UNC80: variants seen among roughly 807,000 people sequenced by gnomAD.
The protein encoded by UNC80 is unc-80 subunit of NALCN channel complex, also known as protein unc-80 homolog.
UNC80 carries 164 observed loss-of-function variants against 384.6 expected under a neutral mutation model. That is an observed-to-expected ratio of 0.43 (90% CI 0.38 to 0.49). UNC80 has a LOEUF of 0.49. Ranked by LOEUF, UNC80 falls within the 20% of genes least tolerant of loss-of-function variation. UNC80 has a pLI of 0.00. For synonymous variants in UNC80, 1,486 were observed against 1,527.8 expected, an observed-to-expected ratio of 0.97 and a Z score of 0.64; for missense variants, 3,330 against 4,143.0, an observed-to-expected ratio of 0.80 and a Z score of 5.39.
At position 209,933,364 on chromosome 2, in the gene UNC80, C is replaced by T. The variant is rs77553903; in HGVS notation, c.5995-458C>T. ...CATTTACCTATGTAACAAACCTACA[C>T]GTGTACCCCTGAATTTAGAAACAAA... On this transcript the variant is annotated intron_variant, in intron 38 of 64. Coordinates refer to ENST00000673920, the MANE Select transcript of UNC80 (RefSeq NM_001371986.1). Among the ~76,000 whole-genome samples, 861 of 152,098 alleles carry T rather than the reference C, an allele frequency of 5.7e-3. 11 individuals are homozygous for T. Among genetic ancestry groups the T allele is most frequent in the African/African-American group, 0.018 (754 of 41,482 alleles).
In UNC80 at chr2:209,817,032, C is replaced by G. The variant is rs775872790; in HGVS notation, c.1459C>G (p.Pro487Ala). 1.3e-6 allele frequency: 2 copies of G among 1,551,590 alleles called. No individual in the cohort carries two copies. Among genetic ancestry groups the G allele is most frequent in the Non-Finnish European group, 1.7e-6 (2 of 1,147,012 alleles). ...LLHEDHLDVS[P>A]TRSTFSFGSF... Reference sequence around the variant, plus strand: ...TCACGAGGACCACCTGGATGTGTCCCCCACGCGCAGCACATTCTCCTTTGG... The same window carrying G: ...TCACGAGGACCACCTGGATGTGTCCGCCACGCGCAGCACATTCTCCTTTGG... The change falls in exon 10 of 65, where the codon CCC becomes GCC. Residue 487 changes from proline to alanine, a missense_variant. Coordinates refer to ENST00000673920, the MANE Select transcript of UNC80 (RefSeq NM_001371986.1).
At chr2:209,990,393 C>A (rs2093370356) in intron 61 of UNC80, among the ~76,000 whole-genome samples, 1 of 152,162 alleles carries the variant, frequency 6.6e-6, no homozygotes. Flanking sequence ...ATGTACCTCA[C>A]TTTTCATGTT....
chr2:209,917,085 T>C (rs2089607235), intron 31 of UNC80, among the ~76,000 whole-genome samples: 1 of 152,196 alleles, frequency 6.6e-6, no homozygotes, highest in Non-Finnish European at 1.5e-5. Context: ...AAGCACATTG[T>C]TAGGATCTGT....
chr2:209,905,041 A>G, intron 29 of UNC80, 76 bp downstream of exon 29: 3 of 1,471,132 alleles, frequency 2.0e-6, no homozygotes, highest in Middle Eastern at 1.8e-4. Flanking sequence ...TGGAAATAAG[A>G]ATTTTCAAGC....
chr2:209,792,091 C>T (rs944095632), intron 6 of UNC80, among the ~76,000 whole-genome samples: 5 of 152,010 alleles, frequency 3.3e-5, no homozygotes, highest in African/African-American at 1.2e-4. Context: ...ATCACTTGAG[C>T]CCAGGAGTTT....
chr2:209,950,396 T>C lies in UNC80; in HGVS notation c.7287-3704T>C, dbSNP rs1575117724. On this transcript the variant is annotated intron_variant, in intron 47 of 64. Coordinates refer to ENST00000673920, the MANE Select transcript of UNC80 (RefSeq NM_001371986.1). ...GAGTTCACTTTTTTATTTCTAATAC[T>C]GGGAATTTTTGCTCCCTCCCTTTTT... is the stretch of plus-strand genomic sequence containing the variant. Among the ~76,000 whole-genome samples, 3 of 152,264 alleles carry C rather than the reference T, an allele frequency of 2.0e-5. No individual in the cohort carries two copies. The South Asian group carries it at 6.2e-4, about 32-fold the overall frequency.
intron 15 of UNC80, 80 bp from the exon 16 acceptor site, chr2:209,831,363 G>A (rs1268959827): frequency 7.2e-7 from 1 of 1,392,000 alleles, no homozygotes; most frequent in African/African-American, 1.5e-5. Context: ...CTAATTCCTG[G>A]GTGCCAAGTA....
In UNC80 at chr2:209,896,233, G is replaced by T. The variant is rs1227868119; in HGVS notation, c.4481-80G>T. Reference sequence around the variant, plus strand: ...TGGTAGTCTGCCCTAGGATTCAGAAGCATGGACAACTGTACCATACCAACA... The same window carrying T: ...TGGTAGTCTGCCCTAGGATTCAGAATCATGGACAACTGTACCATACCAACA... On this transcript the variant is annotated intron_variant, in intron 27 of 64. Transcript: ENST00000673920. The T allele has an allele frequency of 3.0e-5, 38 of 1,278,956 alleles. No individual in the cohort carries two copies. The East Asian group carries it at 9.6e-4, about 32-fold the overall frequency. The allele number at this position is 1,278,956 out of a possible 1,614,324, so 79.2% of individuals were successfully genotyped here.
rs551535695 is a variant in UNC80, at chr2:209,790,111, G to A, written c.798+506G>A. Among the ~76,000 whole-genome samples, 5 of 152,074 alleles carry A rather than the reference G, an allele frequency of 3.3e-5. No homozygotes were observed. The East Asian group carries it at 7.7e-4, about 24-fold the overall frequency. ...GGGTCAAGACTAACCCACATAAAAC[G>A]GAAGATGCAAAATATGATATAAGAT... is the stretch of plus-strand genomic sequence containing the variant. On this transcript the variant is annotated intron_variant, in intron 6 of 64. Coordinates refer to ENST00000673920, the MANE Select transcript of UNC80 (RefSeq NM_001371986.1).
intron 61 of UNC80, among the ~76,000 whole-genome samples, chr2:209,987,002 T>G (rs975808375): frequency 6.6e-6 from 1 of 152,206 alleles, no homozygotes; most frequent in African/African-American, 2.4e-5. Context: ...GTAATGACGC[T>G]TAACATACAC....
rs1209415548 is a variant in UNC80, at chr2:209,913,793, T to C, written c.4891-9T>C. The C allele has an allele frequency of 6.5e-7, 1 of 1,537,864 alleles. No individual in the cohort carries two copies. The highest frequency in any genetic ancestry group is 1.2e-5 in the South Asian group (1 of 83,046). The stretch of plus-strand genomic sequence containing the variant: ...AAGATTTTAAAACATGATTTCCATC[T>C]TTTCCCAGGTGATGAGCTTGTCGCC... On this transcript the variant is annotated splice_polypyrimidine_tract_variant and intron_variant, in intron 30 of 64. Transcript: ENST00000673920.
In UNC80 at chr2:209,820,356, T is replaced by A. The variant is rs748862706; in HGVS notation, c.2008T>A (p.Ser670Thr). Residue 670 changes from serine (S) to threonine (T), a missense_variant, in exon 13 of 65, where the codon TCT becomes ACT. By Grantham distance (58) the Ser-to-Thr change is moderately conservative. Around this residue, in one of 8 missense-constraint regions of UNC80, gnomAD observed 937 missense variants for 1,026.8 expected, o/e 0.91. Transcript: ENST00000673920. ...TCTTGTCCTTAATCATGACATCAGC[T>A]CTCGTATCTGTGACGTGGCGCTAAA... ...VYLVLNHDIS[S>T]RICDVALNIV... 1.3e-6 allele frequency: 2 copies of A among 1,551,462 alleles called. No homozygotes were observed. The highest frequency in any genetic ancestry group is 2.4e-5 in the South Asian group (2 of 83,946).
intron 35 of UNC80, among the ~76,000 whole-genome samples, chr2:209,923,080 C>T (rs368091964): frequency 6.2e-4 from 94 of 152,164 alleles, no homozygotes; most frequent in African/African-American, 2.2e-3. Flanking sequence ...ATATTTTCTC[C>T]CATTTCGTAG....
At chr2:209,916,834 A>G (rs367994199) in intron 31 of UNC80, among the ~76,000 whole-genome samples, 1 of 152,334 alleles carries the variant, frequency 6.6e-6, no homozygotes, top group South Asian at 2.1e-4. Context: ...AAAAAACAAT[A>G]TACTTTAGAA....
At chr2:209,920,862 C>T (rs1236445848) in intron 33 of UNC80, among the ~76,000 whole-genome samples, 3 of 149,826 alleles carry the variant, frequency 2.0e-5, no homozygotes, top group Non-Finnish European at 4.4e-5. Flanking sequence ...GGGTCTCGCT[C>T]TGTTGCCCAG....
chr2:209,884,017 C>A (rs13026110), intron 25 of UNC80, among the ~76,000 whole-genome samples: 3 of 151,820 alleles, frequency 2.0e-5, no homozygotes, highest in African/African-American at 4.8e-5. Flanking sequence ...GTGCTTCCCC[C>A]CCTCCCCCAC....
intron 19 of UNC80, 125 bp from the exon 20 acceptor site, chr2:209,840,417 A>G: frequency 1.3e-6 from 1 of 771,426 alleles, no homozygotes; most frequent in Non-Finnish European, 2.1e-6. Flanking sequence ...ATTGAAAACA[A>G]TTTGTTTTTC....
chr2:209,803,923 G>T (rs1238888603), intron 7 of UNC80, among the ~76,000 whole-genome samples: 4 of 151,976 alleles, frequency 2.6e-5, no homozygotes, highest in Non-Finnish European at 5.9e-5. Flanking sequence ...TTTTTGTAGA[G>T]ACGTGGTCTT....
At chr2:209,822,725 AG>A (rs200527826) in intron 13 of UNC80, among the ~76,000 whole-genome samples, 1,822 of 152,218 alleles carry the variant, frequency 0.012, 40 homozygotes, top group African/African-American at 0.04. Context: ...ATTTTATCCA[AG>A]TGGCATTTTA....
Sources: gnomAD v4.1 joint callset for allele counts (sites outside exome capture counted in the v4.1 genomes callset) on GRCh38, gnomAD v4.1.1 for gene constraint, gnomAD v4.1.1 regional missense constraint, MANE v1.5 for transcripts, NCBI Gene and HGNC (gene_info 2026-07-23, HGNC 2026-07-21) for gene names.